RBFOX1: variants seen among roughly 807,000 people sequenced by gnomAD.
RBFOX1 encodes the protein RNA binding fox-1 homolog 1.
Under a neutral mutation model 57.7 loss-of-function variants are expected in RBFOX1, and 8 were observed. That is an observed-to-expected ratio of 0.14 (90% CI 0.08 to 0.25). The LOEUF (loss-of-function observed/expected upper bound fraction) is 0.25. Among genes scored for constraint, RBFOX1 ranks in the 10% least tolerant of loss-of-function variants. The pLI is 1.00. For missense variants in RBFOX1, 611 were observed against 548.5 expected (o/e 1.11, Z -1.14); for synonymous variants, 326 against 222.4 (o/e 1.47, Z -4.15).
chr16:5,819,823 C>T (rs1567584003), intron 3 of RBFOX1, among the ~76,000 whole-genome samples: 2 of 152,204 alleles, frequency 1.3e-5, no homozygotes, highest in Non-Finnish European at 2.9e-5. Flanking sequence ...TAGGCAGGCC[C>T]TGGAGCCCCA....
At chr16:6,262,937 G>A (rs1158236383) in intron 1 of RBFOX1, among the ~76,000 whole-genome samples, 2 of 152,150 alleles carry the variant, frequency 1.3e-5, no homozygotes, top group African/African-American at 4.8e-5. Context: ...AGGCACTGAG[G>A]CCGGGAGAGG....
intron 3 of RBFOX1, among the ~76,000 whole-genome samples, chr16:6,694,709 TC>T (rs891643863): frequency 3.2e-4 from 49 of 152,236 alleles, no homozygotes; most frequent in African/African-American, 1.1e-3. Context: ...CTCTATCATA[TC>T]CTCCCAGCAA....
chr16:7,710,665 G>C lies in RBFOX1; in HGVS notation c.1114G>C (p.Ala372Pro), dbSNP rs1301142107. The C allele has an allele frequency of 1.2e-6, 2 of 1,613,566 alleles. No individual in the cohort carries two copies. The highest frequency in any genetic ancestry group is 1.1e-5 in the South Asian group (1 of 90,968). The change falls in exon 16 of 16, where the codon GCT becomes CCT. Residue 372 changes from alanine to proline, a missense_variant. Around this residue, in one of 3 missense-constraint regions of RBFOX1, gnomAD observed 267 missense variants for 229.1 expected, o/e 1.17. Coordinates refer to ENST00000550418, the MANE Select transcript of RBFOX1 (RefSeq NM_018723.4). Reference sequence around the variant, plus strand: ...GACTGATGCCAAGACTAGGAGCCATGCTGATGATGTGGGTCTCGTTCTTTC... The same window carrying C: ...GACTGATGCCAAGACTAGGAGCCATCCTGATGATGTGGGTCTCGTTCTTTC... ...PLTDAKTRSH[A>P]DDVGLVLSSL... is the part of the protein sequence containing the mutation.
chr16:7,088,688 G>A (rs2060352571), intron 4 of RBFOX1, among the ~76,000 whole-genome samples: 1 of 152,126 alleles, frequency 6.6e-6, no homozygotes, highest in African/African-American at 2.4e-5. Flanking sequence ...TATGTTTTGG[G>A]AGACAAATAT....
chr16:7,599,927 A>G (rs1161826924), intron 9 of RBFOX1, among the ~76,000 whole-genome samples: 1 of 151,880 alleles, frequency 6.6e-6, no homozygotes, highest in Non-Finnish European at 1.5e-5. Context: ...ATGAGCCACC[A>G]CTTCTGGCCT....
At chr16:7,022,516 C>T (rs180888569) in intron 3 of RBFOX1, among the ~76,000 whole-genome samples, 2 of 152,026 alleles carry the variant, frequency 1.3e-5, no homozygotes, top group African/African-American at 4.8e-5. Context: ...ACTCCAGATT[C>T]CCTGTGAGGT....
intron 2 of RBFOX1, among the ~76,000 whole-genome samples, chr16:6,603,560 C>T (rs1434496527): frequency 6.6e-6 from 1 of 152,170 alleles, no homozygotes; most frequent in Non-Finnish European, 1.5e-5. Flanking sequence ...CTCCACACTC[C>T]ATGATTCTGA....
intron 1 of RBFOX1, among the ~76,000 whole-genome samples, chr16:5,299,199 C>T (rs1036474212): frequency 6.6e-6 from 1 of 152,006 alleles, no homozygotes; most frequent in African/African-American, 2.4e-5. Context: ...CTCCTTTATG[C>T]CTGGCTTTTT....
chr16:7,692,001 A>G (rs186417060), intron 14 of RBFOX1, among the ~76,000 whole-genome samples: 4 of 152,270 alleles, frequency 2.6e-5, no homozygotes, highest in South Asian at 2.1e-4. Flanking sequence ...TGCCCCTTCT[A>G]TAAGTCAAAG....
chr16:6,822,102 C>T (rs1418258583), intron 3 of RBFOX1, among the ~76,000 whole-genome samples: 1 of 152,054 alleles, frequency 6.6e-6, no homozygotes, highest in African/African-American at 2.4e-5. Flanking sequence ...TTTTCTGCAG[C>T]TACTGGGGGA....
chr16:5,775,592 T>C (rs1315396303), intron 3 of RBFOX1, among the ~76,000 whole-genome samples: 2 of 152,212 alleles, frequency 1.3e-5, no homozygotes, highest in Non-Finnish European at 2.9e-5. Context: ...TCAGGTGGCC[T>C]GTTGGCCATC....
At chr16:7,234,724 C>G (rs1373026561) in intron 4 of RBFOX1, among the ~76,000 whole-genome samples, 2 of 150,240 alleles carry the variant, frequency 1.3e-5, no homozygotes, top group African/African-American at 2.4e-5. Context: ...GTTGCTTTCA[C>G]CAAATCCTTG....
At chr16:5,998,369 C>G (rs1288086123) in intron 4 of RBFOX1, among the ~76,000 whole-genome samples, 1 of 152,082 alleles carries the variant, frequency 6.6e-6, no homozygotes, top group Non-Finnish European at 1.5e-5. Context: ...TTGTCTATAA[C>G]AAAAGAAATA....
chr16:7,576,058 A>C lies in RBFOX1; in HGVS notation c.271-3719A>C, dbSNP rs535994846. ...CAGCCATCTCCCACCTCGGTCTCCC[A>C]AGTAGCTGGGATGGCAGGCACATGG... On this transcript the variant is annotated intron_variant, in intron 5 of 15. Transcript: ENST00000550418. Among the ~76,000 whole-genome samples the C allele has an allele frequency of 7.2e-5, 11 of 151,874 alleles. No homozygotes were observed. In the South Asian group the frequency reaches 2.1e-3, roughly 29 times the overall value.
rs1324595575 is a variant in RBFOX1, at chr16:6,802,096, C to A, written c.-16+147446C>A. On this transcript the variant is annotated intron_variant, in intron 3 of 15. Transcript: ENST00000550418. ...CCAGTAAAACTTGTTTAATCCTAAA[C>A]AAGTCCTGTTAAGAAATCCTTCAGT... is the stretch of plus-strand genomic sequence containing the variant. 3.3e-5 allele frequency among the ~76,000 whole-genome samples: 5 copies of A among 152,134 alleles called. 1 individual carries two copies. The East Asian group carries it at 9.7e-4, about 29-fold the overall frequency.
intron 2 of RBFOX1, among the ~76,000 whole-genome samples, chr16:5,514,936 C>T (rs1458503457): frequency 6.6e-6 from 1 of 152,048 alleles, no homozygotes; most frequent in African/African-American, 2.4e-5. Flanking sequence ...AAGCATGGCG[C>T]CAGTGTCTGC....
At chr16:6,707,479 T>TTTTG (rs2062957941) in intron 3 of RBFOX1, among the ~76,000 whole-genome samples, 1 of 29,256 alleles carries the variant, frequency 3.4e-5, no homozygotes, top group African/African-American at 2.4e-4. Context: ...CCCATTTTTG[T>TTTTG]TTTTTTTTTT....
chr16:6,900,743 C>G (rs2068266633), intron 3 of RBFOX1, among the ~76,000 whole-genome samples: 1 of 152,190 alleles, frequency 6.6e-6, no homozygotes, highest in African/African-American at 2.4e-5. Flanking sequence ...TTCGTCTAAA[C>G]TGGGATCTTC....
intron 1 of RBFOX1, among the ~76,000 whole-genome samples, chr16:5,249,321 C>G (rs2062385890): frequency 6.6e-6 from 1 of 152,142 alleles, no homozygotes; most frequent in South Asian, 2.1e-4. Flanking sequence ...TGACTGTGCC[C>G]CCCACCTTGT....
Sources: gnomAD v4.1 joint callset for allele counts (sites outside exome capture counted in the v4.1 genomes callset) on GRCh38, gnomAD v4.1.1 for gene constraint, gnomAD v4.1.1 regional missense constraint, MANE v1.5 for transcripts, NCBI Gene and HGNC (gene_info 2026-07-23, HGNC 2026-07-21) for gene names.